The following MYLK variants were observed in gnomAD, a reference collection of about 807,000 sequenced individuals.
MYLK encodes myosin light chain kinase, smooth muscle.
A neutral mutation model predicts 203.4 loss-of-function variants in MYLK; 106 were observed. The ratio of observed to expected loss-of-function variants is 0.52; its 90% CI spans 0.45 to 0.61. MYLK has a LOEUF of 0.61. Among genes scored for constraint, MYLK ranks in the 20% least tolerant of loss-of-function variants. The pLI is 0.00. For missense variants in MYLK, 2,072 were observed against 2,442.3 expected, an observed-to-expected ratio of 0.85 and a Z score of 3.20; for synonymous variants, 867 against 959.5, an observed-to-expected ratio of 0.90 and a Z score of 1.78.
At position 123,834,923 on chromosome 3, in the gene MYLK, T is replaced by C. The variant is rs192921321; in HGVS notation, c.-126-3253A>G. Among the ~76,000 whole-genome samples the C allele has an allele frequency of 2.7e-4, 41 of 152,330 alleles. No individual in the cohort carries two copies. The East Asian group carries it at 7.9e-3, about 29-fold the overall frequency. Reference sequence around the variant, plus strand: ...TGGTGGTAAAATGCATATTGTCTTATGAGGCATAACGAGCCTGAAGGGTAT... The same window carrying C: ...TGGTGGTAAAATGCATATTGTCTTACGAGGCATAACGAGCCTGAAGGGTAT... On this transcript the variant is annotated intron_variant, in intron 2 of 33. Coordinates refer to ENST00000360304, the MANE Select transcript of MYLK (RefSeq NM_053025.4).
chr3:123,741,981 G>C (rs763675257), intron 5 of MYLK, among the ~76,000 whole-genome samples: 2 of 152,142 alleles, frequency 1.3e-5, no homozygotes, highest in Non-Finnish European at 2.9e-5. Flanking sequence ...ATCTCACTCA[G>C]ATGCTCAGTA....
rs772826549 is a variant in MYLK at position 123,692,866 on chromosome 3, T to C, written c.3449-15A>G. 26 of 1,606,562 alleles carry C rather than the reference T, an allele frequency of 1.6e-5. No homozygotes were observed. Among genetic ancestry groups the C allele is most frequent in the Admixed American group, 1.2e-4 (7 of 59,990 alleles). On this transcript the variant is annotated splice_polypyrimidine_tract_variant and intron_variant, in intron 18 of 33. Coordinates refer to ENST00000360304, the MANE Select transcript of MYLK (RefSeq NM_053025.4). ...GCAGAGTGAGCCTGGGGAGGAAGAA[T>C]TGTGGAGTGAACCAGGTGTGGTCGT...
intron 6 of MYLK, 138 bp downstream of exon 6, chr3:123,739,815 C>T: frequency 6.4e-6 from 6 of 930,396 alleles, no homozygotes; most frequent in Non-Finnish European, 1.1e-5. Context: ...GTGTAAATGA[C>T]ACATCTCATT....
At chr3:123,720,317 G>C (rs763777500) in intron 13 of MYLK, among the ~76,000 whole-genome samples, 62 of 152,294 alleles carry the variant, frequency 4.1e-4, no homozygotes, top group Middle Eastern at 3.4e-3. Context: ...ACCTCCAGGG[G>C]ACTCTTAGCT....
chr3:123,794,011 T>C, intron 3 of MYLK, 167 bp from the exon 4 acceptor site: 1 of 736,400 alleles, frequency 1.4e-6, no homozygotes, highest in Non-Finnish European at 2.3e-6. Flanking sequence ...AGAGGCTCTG[T>C]CTTTTATACA....
In MYLK at chr3:123,807,758, C is replaced by T. The variant is rs566417248; in HGVS notation, c.-3-13914G>A. ...TCCCAGAATGTAGTTAGAGATTGTT[C>T]CCATTCAAAGGCCAGAAATCTCTGT... On this transcript the variant is annotated intron_variant, in intron 3 of 33. Transcript: ENST00000360304. 1.8e-3 allele frequency among the ~76,000 whole-genome samples: 275 copies of T among 152,332 alleles called. 1 individual carries two copies. Among genetic ancestry groups the T allele is most frequent in the Middle Eastern group, 0.01 (3 of 294 alleles).
intron 14 of MYLK, chr3:123,709,134 ATTTTTTTT>A (rs1161776768): frequency 5.2e-5 from 9 of 171,838 alleles, no homozygotes; most frequent in African/African-American, 3.0e-4. Context: ...TTCTCACATA[ATTTTTTTT>A]TTTTTTTTTT....
chr3:123,617,958 G>C (rs1054694534), intron 33 of MYLK: 2 of 153,096 alleles, frequency 1.3e-5, no homozygotes, highest in Non-Finnish European at 2.9e-5. Flanking sequence ...TGCCGGCTGA[G>C]TGCTTTGTCC....
At chr3:123,767,405 G>A (rs748984424) in intron 4 of MYLK, among the ~76,000 whole-genome samples, 4 of 152,168 alleles carry the variant, frequency 2.6e-5, no homozygotes, top group Admixed American at 1.3e-4. Context: ...TCAGGAGTTC[G>A]AGACCAGCCT....
chr3:123,724,498 T>G (rs2062209299), intron 12 of MYLK, among the ~76,000 whole-genome samples: 1 of 152,136 alleles, frequency 6.6e-6, no homozygotes, highest in Admixed American at 6.5e-5. Flanking sequence ...ATAGGACTTC[T>G]GTCCTTTGCT....
At chr3:123,740,116 T>A in intron 5 of MYLK, 115 bp from the exon 6 acceptor site, 2 of 978,218 alleles carry the variant, frequency 2.0e-6, no homozygotes, top group Non-Finnish European at 3.3e-6. Context: ...TAATCTTGAC[T>A]GAGCATGGGC....
chr3:123,660,773 T>C (rs1465309276), intron 23 of MYLK, among the ~76,000 whole-genome samples: 1 of 152,248 alleles, frequency 6.6e-6, no homozygotes, highest in Non-Finnish European at 1.5e-5. Flanking sequence ...GCATGAAAAC[T>C]GTCCGGAGCA....
In MYLK at chr3:123,752,527, G is replaced by A. The variant is rs1576848719; in HGVS notation, c.177C>T (p.Tyr59=). Residue 59 remains tyrosine, a synonymous_variant, in exon 5 of 34, where the codon TAC becomes TAT. Transcript: ENST00000360304. ...TAKFEGRVRG[Y]PEPQVTWHRN... ...TGTGCCATGTCACCTGGGGCTCTGG[G>A]TAACCCCGGACCTTCAAGAAAAAGA... The A allele has an allele frequency of 1.2e-6, 2 of 1,613,420 alleles. No individual in the cohort carries two copies. The highest frequency in any genetic ancestry group is 1.7e-6 in the Non-Finnish European group (2 of 1,179,922).
At chr3:123,836,950 T>A (rs1180698711) in intron 2 of MYLK, among the ~76,000 whole-genome samples, 2 of 152,220 alleles carry the variant, frequency 1.3e-5, no homozygotes, top group Non-Finnish European at 2.9e-5. Context: ...TCCTACTTAA[T>A]AGAGTCATTT....
In MYLK at chr3:123,737,380, T is replaced by C. The variant is rs1463869206; in HGVS notation, c.752A>G (p.Gln251Arg). ...ACTAGCCGTCCACTGGTCGATACCTTGGATGGAAAGTTCAGCTGACATCGA... is the reference window on the plus strand; with the variant it reads ...ACTAGCCGTCCACTGGTCGATACCTCGGATGGAAAGTTCAGCTGACATCGA... ...KASMSAELSI[Q>R]GLDSANRSFV... The change falls in exon 8 of 34, where the codon CAA becomes CGA. Residue 251 changes from glutamine to arginine, a missense_variant and splice_region_variant. Physicochemically the swap from Gln to Arg is conservative, Grantham distance 43. Coordinates refer to ENST00000360304, the MANE Select transcript of MYLK (RefSeq NM_053025.4). 7.4e-6 allele frequency: 12 copies of C among 1,614,088 alleles called. No individual in the cohort carries two copies. Among genetic ancestry groups the C allele is most frequent in the Non-Finnish European group, 1.0e-5 (12 of 1,180,010 alleles).
At chr3:123,620,365 A>G (rs763701684) in intron 31 of MYLK, 29 bp from the exon 32 acceptor site, 1 of 1,613,836 alleles carries the variant, frequency 6.2e-7, no homozygotes, top group Non-Finnish European at 8.5e-7. Context: ...GGTTGGACTC[A>G]GGCGTTGTCC....
At chr3:123,862,926 A>T (rs1407733973) in intron 2 of MYLK, among the ~76,000 whole-genome samples, 1 of 151,984 alleles carries the variant, frequency 6.6e-6, no homozygotes, top group African/African-American at 2.4e-5. Flanking sequence ...TGAATTCCCT[A>T]CCAGGGCTTT....
Position 123,614,356 on chromosome 3 carries a change from C to T in MYLK, c.5501-7G>A, listed in dbSNP as rs777218222. 1 of 1,614,164 alleles carries T rather than the reference C, an allele frequency of 6.2e-7. No homozygotes were observed. Among genetic ancestry groups the T allele is most frequent in the Non-Finnish European group, 8.5e-7 (1 of 1,180,026 alleles). The stretch of plus-strand genomic sequence containing the variant: ...ACCTCGGGGTCTGGGTATCCTGCAT[C>T]ACAGGGAGAGAACACAAGTTGCAGG... On this transcript the variant is annotated splice_region_variant and splice_polypyrimidine_tract_variant and intron_variant, in intron 33 of 33. Transcript: ENST00000360304.
chr3:123,725,080 G>C (rs2062232541), intron 12 of MYLK, among the ~76,000 whole-genome samples: 1 of 152,178 alleles, frequency 6.6e-6, no homozygotes, highest in Admixed American at 6.5e-5. Flanking sequence ...TTAGGTATGA[G>C]AGTGAGCTGA....
Sources: allele counts gnomAD v4.1 joint callset (sites outside exome capture counted in the v4.1 genomes callset), GRCh38; gene constraint gnomAD v4.1.1; transcripts MANE v1.5; gene names NCBI Gene and HGNC (gene_info 2026-07-23, HGNC 2026-07-21).